Variants in ADH4 observed in about 807,000 individuals in gnomAD.
The protein encoded by ADH4 is all-trans-retinol dehydrogenase [NAD(+)] ADH4.
In ADH4, 31 loss-of-function variants were observed where a neutral mutation model predicts 35.2. That is an observed-to-expected ratio of 0.88 (90% CI 0.66 to 1.19). The LOEUF (loss-of-function observed/expected upper bound fraction) is 1.19, where lower values mean the gene tolerates loss of function less well. ADH4 is among the 50% of genes most tolerant of loss of function. The pLI, the probability that ADH4 is intolerant of heterozygous loss-of-function variation, is 0.00. For missense variants in ADH4, 476 were observed against 458.3 expected (o/e 1.04, Z -0.35); for synonymous variants, 171 against 160.2 (o/e 1.07, Z -0.51).
chr4:99,130,108 C>T (rs1407999565), intron 6 of ADH4, among the ~76,000 whole-genome samples: 1 of 152,174 alleles, frequency 6.6e-6, no homozygotes, highest in Non-Finnish European at 1.5e-5. Flanking sequence ...AAGGTTTTTA[C>T]ATCCATACAT....
intron 6 of ADH4, 46 bp downstream of exon 6, chr4:99,131,458 C>A: frequency 6.3e-7 from 1 of 1,582,260 alleles, no homozygotes; most frequent in Non-Finnish European, 8.6e-7. Flanking sequence ...TATTTGACAG[C>A]CAAAGAATAC....
At chr4:99,136,749 G>T in intron 4 of ADH4, 52 bp from the exon 5 acceptor site, 1 of 1,134,680 alleles carries the variant, frequency 8.8e-7, no homozygotes, top group Non-Finnish European at 1.3e-6. Flanking sequence ...TATAATAAAT[G>T]GAACACTGAT....
chr4:99,128,360 C>T (rs1034793526), intron 6 of ADH4, among the ~76,000 whole-genome samples: 1 of 152,124 alleles, frequency 6.6e-6, no homozygotes, highest in Non-Finnish European at 1.5e-5. Flanking sequence ...TGCTTGAGCC[C>T]AGGAGGTGGA....
intron 1 of ADH4, chr4:99,143,324 C>G: frequency 5.9e-6 from 4 of 673,538 alleles, no homozygotes; most frequent in Non-Finnish European, 1.1e-5. Flanking sequence ...GAACAATATC[C>G]CCAGAGAATT....
intron 1 of ADH4, among the ~76,000 whole-genome samples, chr4:99,143,904 TC>T (rs1291775912): frequency 2.0e-5 from 3 of 152,214 alleles, no homozygotes; most frequent in Non-Finnish European, 4.4e-5. Flanking sequence ...TCCCATATTC[TC>T]CTGCAACATT....
intron 6 of ADH4, among the ~76,000 whole-genome samples, chr4:99,128,239 A>G (rs112387870): frequency 0.045 from 6,887 of 152,288 alleles, 488 homozygotes; most frequent in African/African-American, 0.15. Context: ...GTTCAAGACC[A>G]GCCTGGCCAA....
intron 4 of ADH4, 92 bp from the exon 5 acceptor site, chr4:99,136,789 T>A: frequency 1.2e-6 from 1 of 818,080 alleles, no homozygotes; most frequent in Non-Finnish European, 1.9e-6. Context: ...TTGAGCATTA[T>A]ATATTTTTGA....
chr4:99,142,622 A>G lies in ADH4; in HGVS notation c.120+57T>C, dbSNP rs1729661699. 3 of 1,140,742 alleles carry G rather than the reference A, an allele frequency of 2.6e-6. No homozygotes were observed. The South Asian group carries it at 6.3e-5, about 24-fold the overall frequency. The allele number at this position is 1,140,742 out of a possible 1,614,324, so 70.7% of individuals were successfully genotyped here. A position where few individuals can be genotyped will look rare whatever the true frequency, so the allele number is the denominator to read the frequency against. On this transcript the variant is annotated intron_variant, in intron 2 of 8. Transcript: ENST00000265512. ...TAGCACAGAGGATTGACCTGACAGA[A>G]GCCAGGTCTCCACTTGGGGCCCTGT...
rs935901366 is a variant in ADH4 at position 99,139,089 on chromosome 4, G to A, written c.322C>T (p.Pro108Ser). 1 of 1,613,186 alleles carries A rather than the reference G, an allele frequency of 6.2e-7. No individual in the cohort carries two copies. Among genetic ancestry groups the A allele is most frequent in the Non-Finnish European group, 8.5e-7 (1 of 1,179,516 alleles). The change falls in exon 4 of 9, where the codon CCA (proline) becomes TCA (serine). Residue 108 changes from proline to serine, a missense_variant. Pro to Ser is a moderately conservative substitution (Grantham distance 74). Transcript: ENST00000265512. ...LCRKCKFCLSPLTNLCGKISN... is the reference protein window; with the variant it reads ...LCRKCKFCLSSLTNLCGKISN... ...ATTTTCCCACACAAATTTGTGAGTG[G>A]ACTCAGACAAAACTTGCATTTTCTA...
At chr4:99,125,807 G>A (rs1230396567) in intron 8 of ADH4, among the ~76,000 whole-genome samples, 1 of 152,126 alleles carries the variant, frequency 6.6e-6, no homozygotes, top group Non-Finnish European at 1.5e-5. Context: ...TTTATTCCCT[G>A]CTTCAAATCC....
rs29001225 is a variant in ADH4, at chr4:99,126,036, T to TTC, written c.1118+556_1118+557dup. 9.1e-3 allele frequency among the ~76,000 whole-genome samples: 1,389 copies of TTC among 152,310 alleles called. 12 individuals carry two copies. Among genetic ancestry groups the TTC allele is most frequent in the Middle Eastern group, 0.031 (9 of 294 alleles). ...CCTAAGAATCTTCCAGGTGGAACATTTCTATGCATCAGTTCCTGGGATCCC... is the reference window on the plus strand; with the variant it reads ...CCTAAGAATCTTCCAGGTGGAACATTTCTCTATGCATCAGTTCCTGGGATCCC... On this transcript the variant is annotated intron_variant, in intron 8 of 8. Transcript: ENST00000265512.
At chr4:99,131,936 C>T (rs1729292386) in intron 5 of ADH4, among the ~76,000 whole-genome samples, 172 bp from the exon 6 acceptor site, 1 of 152,122 alleles carries the variant, frequency 6.6e-6, no homozygotes, top group African/African-American at 2.4e-5. Context: ...GGATGCATTA[C>T]TACTTAAATT....
intron 2 of ADH4, 145 bp downstream of exon 2, chr4:99,142,534 T>C: frequency 2.4e-6 from 1 of 418,804 alleles, no homozygotes; most frequent in Non-Finnish European, 4.2e-6. Context: ...GGATAATGCC[T>C]GTTTTTGACT....
intron 5 of ADH4, among the ~76,000 whole-genome samples, chr4:99,134,200 C>T (rs965255208): frequency 8.5e-5 from 13 of 152,072 alleles, no homozygotes; most frequent in South Asian, 2.1e-4. Context: ...TACAAAATTT[C>T]GGATAGAGTG....
At chr4:99,135,575 G>C (rs914904438) in intron 5 of ADH4, among the ~76,000 whole-genome samples, 29 of 152,178 alleles carry the variant, frequency 1.9e-4, no homozygotes, top group Non-Finnish European at 3.5e-4. Context: ...TGGAAGCCAA[G>C]TGTGGAAAGC....
At chr4:99,136,221 G>A (rs1729428871) in intron 5 of ADH4, among the ~76,000 whole-genome samples, 1 of 152,142 alleles carries the variant, frequency 6.6e-6, no homozygotes, top group South Asian at 2.1e-4. Flanking sequence ...TATAGTATAA[G>A]AACATATGCT....
At chr4:99,141,212 G>A (rs976074229) in intron 3 of ADH4, among the ~76,000 whole-genome samples, 7 of 152,210 alleles carry the variant, frequency 4.6e-5, no homozygotes, top group African/African-American at 1.7e-4. Context: ...TTCTGCAAAG[G>A]ACATGATCTT....
chr4:99,143,014 T>TG (rs1186764320), intron 1 of ADH4: 28 of 557,096 alleles, frequency 5.0e-5, no homozygotes, highest in African/African-American at 7.9e-5. Flanking sequence ...TTTTATTTCT[T>TG]GAAAAAAAAA....
chr4:99,142,604 G>C (rs1005311587), intron 2 of ADH4, 75 bp downstream of exon 2: 4 of 888,396 alleles, frequency 4.5e-6, no homozygotes, highest in Admixed American at 2.9e-5. Context: ...TCATAGCACA[G>C]AGGATTGACC....
Sources: allele counts gnomAD v4.1 joint callset (sites outside exome capture counted in the v4.1 genomes callset), GRCh38; gene constraint gnomAD v4.1.1; transcripts MANE v1.5; gene names NCBI Gene and HGNC (gene_info 2026-07-23, HGNC 2026-07-21).